The following FAP variants were observed in gnomAD, a reference collection of about 807,000 sequenced individuals.
FAP encodes prolyl endopeptidase FAP.
FAP carries 110 observed loss-of-function variants against 126.5 expected under a neutral mutation model. The ratio of observed to expected loss-of-function variants is 0.87; its 90% CI spans 0.74 to 1.02. The LOEUF (loss-of-function observed/expected upper bound fraction) is 1.02. FAP is among the 50% of genes least tolerant of loss of function. FAP has a pLI of 0.00. For synonymous variants in FAP, 334 were observed against 297.3 expected, an observed-to-expected ratio of 1.12 and a Z score of -1.27; for missense variants, 919 against 909.2, an observed-to-expected ratio of 1.01 and a Z score of -0.14.
At chr2:162,198,394 G>C (rs552470068) in intron 16 of FAP, 1 of 1,250,188 alleles carries the variant, frequency 8.0e-7, no homozygotes, top group South Asian at 1.4e-5. Flanking sequence ...GATTGCTCAG[G>C]TCTTGCGAAG....
intron 2 of FAP, among the ~76,000 whole-genome samples, chr2:162,228,519 C>T (rs575838691): frequency 1.3e-5 from 2 of 152,172 alleles, no homozygotes; most frequent in Non-Finnish European, 2.9e-5. Flanking sequence ...TATTTCTTTC[C>T]TTAATTTGCA....
intron 21 of FAP, chr2:162,176,313 A>G (rs1687480787): frequency 6.6e-6 from 1 of 152,184 alleles, no homozygotes; most frequent in African/African-American, 2.4e-5. Flanking sequence ...AAACTAATTT[A>G]CAGTTCTTTG....
chr2:162,226,005 A>G (rs1016414086), intron 3 of FAP, among the ~76,000 whole-genome samples: 10 of 152,164 alleles, frequency 6.6e-5, no homozygotes, highest in Admixed American at 2.6e-4. Flanking sequence ...GTTCAGTGAC[A>G]CTTAAGATAC....
intron 21 of FAP, chr2:162,175,281 T>TC (rs1559759443): frequency 6.0e-6 from 1 of 165,652 alleles, no homozygotes; most frequent in African/African-American, 2.4e-5. Flanking sequence ...CTCATTTTTT[T>TC]CTCTATATCT....
At chr2:162,174,659 T>C (rs1285194320) in intron 22 of FAP, among the ~76,000 whole-genome samples, 1 of 152,192 alleles carries the variant, frequency 6.6e-6, no homozygotes, top group Non-Finnish European at 1.5e-5. Flanking sequence ...TAGTGGATTA[T>C]GGATGAGCCT....
intron 12 of FAP, among the ~76,000 whole-genome samples, chr2:162,209,377 A>C (rs1053465050): frequency 2.6e-5 from 4 of 152,162 alleles, no homozygotes; most frequent in African/African-American, 9.6e-5. Flanking sequence ...TTTTACATTA[A>C]AAATCCTCAT....
Position 162,198,802 on chromosome 2 carries a change from C to T in FAP, c.1357G>A (p.Ala453Thr), listed in dbSNP as rs947020008. The change falls in exon 16 of 26, where the codon GCA becomes ACA. Residue 453 changes from alanine (A) to threonine (T), a missense_variant. Transcript: ENST00000188790. The stretch of plus-strand genomic sequence containing the variant: ...TACTTGGCGTAGTCGCTGAAACTTG[C>T]TGTGTAATATTGGCACCTTTCTTTC... ...LRKERCQYYT[A>T]SFSDYAKYYA... 12 of 1,613,980 alleles carry T rather than the reference C, an allele frequency of 7.4e-6. No individual in the cohort carries two copies. In the Admixed American group the frequency reaches 1.0e-4, roughly 13 times the overall value.
intron 1 of FAP, 146 bp from the exon 2 acceptor site, chr2:162,243,138 T>G: frequency 1.2e-6 from 1 of 813,422 alleles, no homozygotes; most frequent in Non-Finnish European, 2.0e-6. Flanking sequence ...ATTGCTGGAA[T>G]TCTTCCAGCT....
At chr2:162,192,423 C>T (rs977041714) in intron 17 of FAP, among the ~76,000 whole-genome samples, 2 of 151,940 alleles carry the variant, frequency 1.3e-5, no homozygotes, top group African/African-American at 2.4e-5. Context: ...CAAGTTTATC[C>T]CCCTCCTTCT....
Position 162,189,119 on chromosome 2 carries a change from G to T in FAP, c.1603C>A (p.Pro535Thr). 6.3e-7 allele frequency: 1 copy of T among 1,597,696 alleles called. No individual in the cohort carries two copies. The highest frequency in any genetic ancestry group is 8.6e-7 in the Non-Finnish European group (1 of 1,169,576). Reference protein sequence around the residue: ...PPQFDRSKKYPLLIQVYGGPC... With the variant: ...PPQFDRSKKYTLLIQVYGGPC... ...ATTACATACACTTGAATTAGCAAGG[G>T]ATACTTCTTTGATCTGTCAAATTGA... is the stretch of plus-strand genomic sequence containing the variant. Residue 535 changes from proline to threonine, a missense_variant, in exon 19 of 26, where the codon CCC becomes ACC. Coordinates refer to ENST00000188790, the MANE Select transcript of FAP (RefSeq NM_004460.5).
At chr2:162,181,947 G>A (rs867597467) in intron 21 of FAP, among the ~76,000 whole-genome samples, 1 of 152,120 alleles carries the variant, frequency 6.6e-6, no homozygotes, top group Non-Finnish European at 1.5e-5. Context: ...GTTATATCAC[G>A]TGGCAGCCCA....
intron 17 of FAP, among the ~76,000 whole-genome samples, chr2:162,190,425 A>T (rs1228515872): frequency 6.6e-6 from 1 of 151,704 alleles, no homozygotes; most frequent in South Asian, 2.1e-4. Flanking sequence ...AACACACACT[A>T]TGCTCTTTCT....
In FAP at chr2:162,219,070, A is replaced by C. The variant is rs1689276660; in HGVS notation, c.600T>G (p.Val200=). The C allele has an allele frequency of 5.0e-6, 8 of 1,602,268 alleles. No homozygotes were observed. Among genetic ancestry groups the C allele is most frequent in the Non-Finnish European group, 6.8e-6 (8 of 1,174,108 alleles). The change falls in exon 8 of 26, where the codon GTT becomes GTG. Residue 200 remains valine, a synonymous_variant. Coordinates refer to ENST00000188790, the MANE Select transcript of FAP (RefSeq NM_004460.5). The part of the protein sequence containing the change: ...NKIFNGIPDW[V]YEEEMLATKY... ...AAAAGGAATACAGCTTACCTTCATA[A>C]ACCCAGTCTGGGATTCCATTAAATA...
At position 162,188,340 on chromosome 2, in the gene FAP, C is replaced by T. The variant is rs1687924141; in HGVS notation, c.1643G>A (p.Ser548Asn). 1 of 1,613,052 alleles carries T rather than the reference C, an allele frequency of 6.2e-7. No individual in the cohort carries two copies. The highest frequency in any genetic ancestry group is 1.1e-5 in the South Asian group (1 of 91,036). The change falls in exon 20 of 26, where the codon AGT becomes AAT. Residue 548 changes from serine (S) to asparagine (N), a missense_variant. Physicochemically the swap from Ser to Asn is conservative, Grantham distance 46. Transcript: ENST00000188790. ...ATTAACAGCAAATACAGACCTTACA[C>T]TCTGACTGCAGGGACCACCATACCT... Reference protein sequence around the residue: ...IQVYGGPCSQSVRSVFAVNWI... With the variant: ...IQVYGGPCSQNVRSVFAVNWI...
At chr2:162,198,187 C>T (rs1397103399) in intron 16 of FAP, 1 of 1,287,770 alleles carries the variant, frequency 7.8e-7, no homozygotes, top group African/African-American at 1.5e-5. Context: ...ACGATGTTTT[C>T]CAAATTTAGA....
chr2:162,227,861 A>G (rs181581839), intron 2 of FAP, among the ~76,000 whole-genome samples: 185 of 152,190 alleles, frequency 1.2e-3, no homozygotes, highest in Non-Finnish European at 3.4e-4. Flanking sequence ...TTTAATGCTC[A>G]ATCCAAAAGC....
intron 1 of FAP, 71 bp from the exon 2 acceptor site, chr2:162,243,063 T>A (rs1282749757): frequency 1.6e-6 from 2 of 1,230,646 alleles, no homozygotes; most frequent in East Asian, 5.0e-5. Context: ...AGATTTTGTT[T>A]ACACCTAAAT....
chr2:162,242,306 A>G (rs921855609), intron 2 of FAP, among the ~76,000 whole-genome samples: 2 of 152,228 alleles, frequency 1.3e-5, no homozygotes, highest in African/African-American at 4.8e-5. Flanking sequence ...ATCAGTGTCA[A>G]TCTAAGCCTT....
At position 162,183,486 on chromosome 2, in the gene FAP, A is replaced by T. The variant is rs200752630; in HGVS notation, c.1815-18T>A. The T allele has an allele frequency of 1.9e-5, 28 of 1,473,610 alleles. No homozygotes were observed. Among genetic ancestry groups the T allele is most frequent in the Non-Finnish European group, 2.7e-5 (28 of 1,054,114 alleles). 91.3% of individuals were successfully genotyped at this position (1,473,610 alleles called of 1,614,324 possible). ...TGAATTTTCTAAAGTAAAAGAAACA[A>T]ATTTTTAGAATGTTAAGTGTATACA... is the stretch of plus-strand genomic sequence containing the variant. On this transcript the variant is annotated intron_variant, in intron 20 of 25. Coordinates refer to ENST00000188790, the MANE Select transcript of FAP (RefSeq NM_004460.5).
Sources: gnomAD v4.1 joint callset for allele counts (sites outside exome capture counted in the v4.1 genomes callset) on GRCh38, gnomAD v4.1.1 for gene constraint, MANE v1.5 for transcripts, NCBI Gene and HGNC (gene_info 2026-07-23, HGNC 2026-07-21) for gene names.